Variants in AMZ2 observed in about 807,000 individuals in gnomAD.
AMZ2 encodes the protein archaelysin family metallopeptidase 2.
In AMZ2, 26 loss-of-function variants were observed where a neutral mutation model predicts 36.7. The observed-to-expected ratio is 0.71, with a 90% CI of 0.52 to 0.98. The LOEUF is 0.98. AMZ2 is among the 50% of genes least tolerant of loss of function. The pLI is 0.00. For missense variants in AMZ2, 394 were observed against 430.5 expected (o/e 0.92, Z 0.75); for synonymous variants, 144 against 149.1 (o/e 0.97, Z 0.25).
intron 4 of AMZ2, among the ~76,000 whole-genome samples, chr17:68,253,911 C>T (rs1426376068): frequency 1.3e-5 from 2 of 152,008 alleles, no homozygotes; most frequent in Admixed American, 6.6e-5. Flanking sequence ...TACCATCATG[C>T]CTGGCTAATT....
chr17:68,238,532 ATATG>A (rs746701662), intron 1 of AMZ2, among the ~76,000 whole-genome samples: 1 of 132,250 alleles, frequency 7.6e-6, no homozygotes, highest in Non-Finnish European at 1.6e-5. Context: ...TTTATATGCC[ATATG>A]TATATATATA....
intron 1 of AMZ2, among the ~76,000 whole-genome samples, chr17:68,216,158 C>T (rs1359466414): frequency 1.3e-5 from 2 of 152,132 alleles, no homozygotes; most frequent in Non-Finnish European, 2.9e-5. Flanking sequence ...CTTTTGGAGA[C>T]AGGGTCTCAC....
chr17:68,250,209 G>A lies in AMZ2; in HGVS notation c.22G>A (p.Glu8Lys), dbSNP rs77434249. ...TTAGATGCAAATAATACGGCACTCC[G>A]AACAGACACTAAAAACAGCTCTCAT... MQIIRHS[E>K]QTLKTALISK... Residue 8 changes from glutamate to lysine, a missense_variant, in exon 2 of 7, where the codon GAA becomes AAA. By Grantham distance (56) the Glu-to-Lys change is moderately conservative. Coordinates refer to ENST00000359904, the MANE Select transcript of AMZ2 (RefSeq NM_016627.5). 12 of 1,613,768 alleles carry A rather than the reference G, an allele frequency of 7.4e-6. No homozygotes were observed. The highest frequency in any genetic ancestry group is 5.3e-5 in the African/African-American group (4 of 74,860).
At chr17:68,253,651 A>C (rs115970736) in intron 4 of AMZ2, among the ~76,000 whole-genome samples, 2,437 of 152,272 alleles carry the variant, frequency 0.016, 57 homozygotes, top group African/African-American at 0.056. Flanking sequence ...AGTTGTCCTC[A>C]GTCAGTGCTG....
At chr17:68,206,374 G>T in intron 1 of AMZ2, 1 of 959,332 alleles carries the variant, frequency 1.0e-6, no homozygotes. Context: ...GGAAATGCGA[G>T]GGCACATCAA....
intron 5 of AMZ2, 59 bp from the exon 6 acceptor site, chr17:68,255,641 G>C: frequency 1.3e-6 from 2 of 1,523,236 alleles, no homozygotes; most frequent in South Asian, 2.4e-5. Flanking sequence ...AGAAAAAGAA[G>C]AGACGTGTAG....
At position 68,250,970 on chromosome 17, in the gene AMZ2, G is replaced by A; in HGVS notation, c.457+3G>A. On this transcript the variant is annotated splice_donor_region_variant and intron_variant, in intron 3 of 6. Transcript: ENST00000359904. Reference sequence around the variant, plus strand: ...ACACAACCTACAAATTCATGCAGGTGAATTACACGACTTTGCAATTCGAAC... The same window carrying A: ...ACACAACCTACAAATTCATGCAGGTAAATTACACGACTTTGCAATTCGAAC... The A allele has an allele frequency of 6.2e-7, 1 of 1,611,916 alleles. No homozygotes were observed. The highest frequency in any genetic ancestry group is 8.5e-7 in the Non-Finnish European group (1 of 1,179,486).
chr17:68,213,401 T>C (rs1218497665), intron 1 of AMZ2, among the ~76,000 whole-genome samples: 2 of 152,228 alleles, frequency 1.3e-5, no homozygotes, highest in Non-Finnish European at 2.9e-5. Flanking sequence ...TTCTGAAGTC[T>C]TCAAAGCCCT....
In AMZ2 at chr17:68,250,952, C is replaced by T; in HGVS notation, c.442C>T (p.Leu148=). 6.2e-7 allele frequency: 1 copy of T among 1,612,482 alleles called. No individual in the cohort carries two copies. Among genetic ancestry groups the T allele is most frequent in the South Asian group, 1.1e-5 (1 of 90,478 alleles). The part of the protein sequence containing the change: ...SFRVNENTHN[L]QIHAGDILKF... ...TAGAGTCAATGAGAACACACACAAC[C>T]TACAAATTCATGCAGGTGAATTACA... Residue 148 remains leucine, a synonymous_variant, in exon 3 of 7, where the codon CTA becomes TTA. Transcript: ENST00000359904.
At chr17:68,248,839 G>T in intron 1 of AMZ2, 134 bp downstream of exon 1, 2 of 917,976 alleles carry the variant, frequency 2.2e-6, no homozygotes, top group Non-Finnish European at 2.7e-6. Context: ...ATTTGGTCTG[G>T]AATTTTAGTC....
chr17:68,232,343 A>C (rs529270668), intron 1 of AMZ2, among the ~76,000 whole-genome samples: 19 of 151,896 alleles, frequency 1.3e-4, no homozygotes, highest in Non-Finnish European at 2.6e-4. Flanking sequence ...CAAAAAAATA[A>C]AAATTTTCTG....
intron 4 of AMZ2, chr17:68,251,412 C>T (rs2074461924): frequency 2.4e-6 from 1 of 410,284 alleles, no homozygotes; most frequent in Admixed American, 4.3e-5. Context: ...ATCATGGAGT[C>T]ATTTGGAGAT....
At chr17:68,237,947 C>T (rs1422422501) in intron 1 of AMZ2, among the ~76,000 whole-genome samples, 2 of 152,320 alleles carry the variant, frequency 1.3e-5, no homozygotes, top group African/African-American at 4.8e-5. Context: ...TGAAGTGGGT[C>T]GCTGTCGCTG....
chr17:68,239,516 T>C (rs1413746629), intron 1 of AMZ2, among the ~76,000 whole-genome samples: 1 of 152,188 alleles, frequency 6.6e-6, no homozygotes, highest in Non-Finnish European at 1.5e-5. Context: ...TTAAAACGAA[T>C]TGGTTGTGAG....
Position 68,233,464 on chromosome 17 carries a change from G to A in AMZ2, c.-66-15176G>A, listed in dbSNP as rs186709245. 2.6e-3 allele frequency among the ~76,000 whole-genome samples: 383 copies of A among 146,368 alleles called. 2 individuals are homozygous for A. The highest frequency in any genetic ancestry group is 8.4e-3 in the African/African-American group (328 of 39,216). On this transcript the variant is annotated intron_variant, in intron 1 of 7. Coordinates refer to the AMZ2 transcript ENST00000674770. ...GCGGAGGTTGCAGTGAGCCGATACC[G>A]CACCACTGCACTCTAACCTGCCGAC... is the stretch of plus-strand genomic sequence containing the variant.
At chr17:68,223,154 T>C (rs1431769713) in intron 1 of AMZ2, among the ~76,000 whole-genome samples, 1 of 152,178 alleles carries the variant, frequency 6.6e-6, no homozygotes, top group Non-Finnish European at 1.5e-5. Context: ...ATGATTCTCT[T>C]CTTTCAAATT....
chr17:68,227,008 G>C (rs2073532152), intron 1 of AMZ2, among the ~76,000 whole-genome samples: 1 of 150,638 alleles, frequency 6.6e-6, no homozygotes, highest in African/African-American at 2.5e-5. Context: ...AACTGCTGTT[G>C]TTATACATAA....
At chr17:68,246,195 C>CAAAA (rs57477453), upstream of AMZ2, among the ~76,000 whole-genome samples, 348 of 83,806 alleles carry the variant, frequency 4.2e-3, 6 homozygotes, top group African/African-American at 0.014. Flanking sequence ...ACTAAAAATA[C>CAAAA]AAAAAAAAAA....
chr17:68,214,748 G>T (rs1288272232), intron 1 of AMZ2, among the ~76,000 whole-genome samples: 1 of 151,284 alleles, frequency 6.6e-6, no homozygotes, highest in Non-Finnish European at 1.5e-5. Flanking sequence ...TTTTTTAATT[G>T]TGTGTCTCCT....
Sources: gnomAD v4.1 joint callset for allele counts (sites outside exome capture counted in the v4.1 genomes callset) on GRCh38, gnomAD v4.1.1 for gene constraint, MANE v1.5 for transcripts, NCBI Gene and HGNC (gene_info 2026-07-23, HGNC 2026-07-21) for gene names.